RNF182: variants seen among roughly 807,000 people sequenced by gnomAD.
RNF182 encodes the protein E3 ubiquitin-protein ligase RNF182.
In RNF182, 15 loss-of-function variants were observed where a neutral mutation model predicts 14.4. The ratio of observed to expected loss-of-function variants is 1.04; its 90% CI spans 0.70 to 1.60. RNF182 has a LOEUF of 1.60. Among genes scored for constraint, RNF182 ranks in the 40% most tolerant of loss-of-function variants. The probability of loss-of-function intolerance (pLI) is 0.00; values close to 1 mark genes in which losing one functional copy is unlikely to be tolerated. For synonymous variants in RNF182, 128 were observed against 122.9 expected, an observed-to-expected ratio of 1.04 and a Z score of -0.27; for missense variants, 268 against 294.8, an observed-to-expected ratio of 0.91 and a Z score of 0.67.
At chr6:13,953,054 A>T (rs1585039322) in intron 1 of RNF182, among the ~76,000 whole-genome samples, 1 of 152,218 alleles carries the variant, frequency 6.6e-6, no homozygotes, top group Admixed American at 6.5e-5. Flanking sequence ...TTTGTTCATA[A>T]GACAGGACAT....
intron 1 of RNF182, among the ~76,000 whole-genome samples, chr6:13,955,961 C>T (rs1465136191): frequency 1.3e-5 from 2 of 152,158 alleles, no homozygotes; most frequent in African/African-American, 4.8e-5. Context: ...TTGATTCTTT[C>T]CAACAGTTTT....
intron 1 of RNF182, chr6:13,949,203 C>T: frequency 1.3e-6 from 1 of 798,590 alleles, no homozygotes; most frequent in African/African-American, 1.7e-5. Context: ...AAGAATGCCT[C>T]TCTTATTTCT....
intron 1 of RNF182, among the ~76,000 whole-genome samples, chr6:13,935,978 C>T (rs1759099356): frequency 6.6e-6 from 1 of 152,178 alleles, no homozygotes; most frequent in Admixed American, 6.5e-5. Flanking sequence ...GGGGAGGCCT[C>T]AGGAAACTTA....
chr6:13,929,670 C>G lies in RNF182; in HGVS notation c.-367+4647C>G, dbSNP rs896305627. ...ACCCTTTGAAGTAGGTACTATTATCCCTTTTTTATGAGTGAGGAAACTAAT... is the reference window on the plus strand; with the variant it reads ...ACCCTTTGAAGTAGGTACTATTATCGCTTTTTTATGAGTGAGGAAACTAAT... On this transcript the variant is annotated intron_variant, in intron 1 of 2. Transcript: ENST00000488300. 9.9e-5 allele frequency among the ~76,000 whole-genome samples: 15 copies of G among 152,270 alleles called. 2 individuals are homozygous for G. In the Middle Eastern group the frequency reaches 0.024, roughly 242 times the overall value.
rs187117695 is a variant in RNF182 at position 13,953,945 on chromosome 6, A to G, written c.-366-20265A>G. ...ACATGGTGGATGGGCAGGGGGAGAAACAAAGCATCCATGAGCACAGATGTT... is the reference window on the plus strand; with the variant it reads ...ACATGGTGGATGGGCAGGGGGAGAAGCAAAGCATCCATGAGCACAGATGTT... On this transcript the variant is annotated intron_variant, in intron 1 of 2. Coordinates refer to ENST00000488300, the MANE Select transcript of RNF182 (RefSeq NM_152737.4). 2.3e-3 allele frequency among the ~76,000 whole-genome samples: 350 copies of G among 152,332 alleles called. 1 individual carries two copies. Among genetic ancestry groups the G allele is most frequent in the African/African-American group, 8.1e-3 (338 of 41,588 alleles).
chr6:13,946,074 T>C (rs1391586739), intron 1 of RNF182, among the ~76,000 whole-genome samples: 2 of 151,856 alleles, frequency 1.3e-5, no homozygotes, highest in Non-Finnish European at 2.9e-5. Context: ...CAAGGGTTTG[T>C]GACAAAGTAT....
intron 1 of RNF182, chr6:13,949,029 G>A: frequency 1.7e-6 from 1 of 579,424 alleles, no homozygotes; most frequent in Admixed American, 2.9e-5. Context: ...CTCCTAATCA[G>A]TTTGACCATA....
intron 1 of RNF182, among the ~76,000 whole-genome samples, chr6:13,963,284 C>G (rs971790767): frequency 6.6e-6 from 1 of 152,116 alleles, no homozygotes; most frequent in African/African-American, 2.4e-5. Context: ...AAAGAGTCTT[C>G]TAGGTAGGCA....
At chr6:13,946,180 A>ATTATTATTATTT (rs1207482809) in intron 1 of RNF182, among the ~76,000 whole-genome samples, 1 of 147,598 alleles carries the variant, frequency 6.8e-6, no homozygotes, top group African/African-American at 2.5e-5. Context: ...TATTATTATT[A>ATTATTATTATTT]TTTTGAGATA....
At chr6:13,939,634 C>A (rs890799651) in intron 1 of RNF182, among the ~76,000 whole-genome samples, 3 of 152,158 alleles carry the variant, frequency 2.0e-5, no homozygotes, top group Non-Finnish European at 4.4e-5. Context: ...AGCCCTGCCT[C>A]CCAGGTTCAT....
At chr6:13,970,997 T>G (rs912031773) in intron 1 of RNF182, among the ~76,000 whole-genome samples, 2 of 151,878 alleles carry the variant, frequency 1.3e-5, no homozygotes, top group African/African-American at 4.8e-5. Context: ...TGTGATGGAG[T>G]AGCACAAAAT....
At chr6:13,971,715 A>G (rs1314478043) in intron 1 of RNF182, among the ~76,000 whole-genome samples, 1 of 152,200 alleles carries the variant, frequency 6.6e-6, no homozygotes, top group Non-Finnish European at 1.5e-5. Context: ...AAATGCTGAT[A>G]GTGATATGGA....
chr6:13,951,537 C>G lies in RNF182; in HGVS notation c.-366-22673C>G, dbSNP rs138273574. On this transcript the variant is annotated intron_variant, in intron 1 of 2. Transcript: ENST00000488300. ...CTCCCTCATAGCTGCCATTAGCTGT[C>G]CCTAAAAGTATATGTCCTACCTAGT... is the stretch of plus-strand genomic sequence containing the variant. Among the ~76,000 whole-genome samples, 444 of 152,312 alleles carry G rather than the reference C, an allele frequency of 2.9e-3. 2 individuals are homozygous for G. The highest frequency in any genetic ancestry group is 0.01 in the African/African-American group (418 of 41,572).
Position 13,978,006 on chromosome 6 carries a change from G to A in RNF182, c.*143G>A. ...CCCTTGGCCACATGTTGACTTGATT[G>A]GTTTTCCTGTAGGCTGGAAGTAAAA... On this transcript the variant is annotated 3_prime_UTR_variant, in exon 3 of 3. Transcript: ENST00000488300. The A allele has an allele frequency of 2.1e-6, 2 of 945,036 alleles. No individual in the cohort carries two copies. The highest frequency in any genetic ancestry group is 3.1e-6 in the Non-Finnish European group (2 of 642,646). The allele number at this position is 945,036 out of a possible 1,614,324, so 58.5% of individuals were successfully genotyped here.
chr6:13,929,386 G>A (rs1338730130), intron 1 of RNF182, among the ~76,000 whole-genome samples: 5 of 152,222 alleles, frequency 3.3e-5, no homozygotes, highest in Non-Finnish European at 7.3e-5. Flanking sequence ...ACCATGTGAT[G>A]TGTTGGGCAC....
chr6:13,936,346 A>G (rs1759108651), intron 1 of RNF182, among the ~76,000 whole-genome samples: 1 of 152,236 alleles, frequency 6.6e-6, no homozygotes, highest in East Asian at 1.9e-4. Context: ...AAAGAGCTTT[A>G]TGTCAACAAT....
intron 2 of RNF182, among the ~76,000 whole-genome samples, chr6:13,975,185 CCTT>C (rs1760293139): frequency 6.6e-6 from 1 of 152,154 alleles, no homozygotes; most frequent in African/African-American, 2.4e-5. Flanking sequence ...GGATAGAACT[CCTT>C]CTTGTTCTTT....
intron 1 of RNF182, chr6:13,949,502 A>C: frequency 1.8e-6 from 1 of 564,130 alleles, no homozygotes; most frequent in Non-Finnish European, 3.2e-6. Context: ...ATTACGGAAA[A>C]AGACACTTGC....
chr6:13,974,967 C>G (rs1760287072), intron 2 of RNF182, among the ~76,000 whole-genome samples: 1 of 152,212 alleles, frequency 6.6e-6, no homozygotes, highest in Admixed American at 6.5e-5. Context: ...GAGAGCATTA[C>G]ATCTGGGTGG....
Sources: allele counts gnomAD v4.1 joint callset (sites outside exome capture counted in the v4.1 genomes callset), GRCh38; gene constraint gnomAD v4.1.1; transcripts MANE v1.5; gene names NCBI Gene and HGNC (gene_info 2026-07-23, HGNC 2026-07-21).